MYO16: variants seen among roughly 807,000 people sequenced by gnomAD.
MYO16 encodes the protein unconventional myosin-XVI.
A neutral mutation model predicts 205.3 loss-of-function variants in MYO16; 94 were observed. That is an observed-to-expected ratio of 0.46 (90% CI 0.39 to 0.54). The LOEUF is 0.54. MYO16 is among the 20% of genes least tolerant of loss of function. MYO16 has a pLI of 0.00. For synonymous variants in MYO16, 988 were observed against 954.0 expected, an observed-to-expected ratio of 1.04 and a Z score of -0.66; for missense variants, 2,315 against 2,387.5, an observed-to-expected ratio of 0.97 and a Z score of 0.63.
At chr13:108,725,951 T>C (rs1380695643) in intron 3 of MYO16, among the ~76,000 whole-genome samples, 2 of 152,054 alleles carry the variant, frequency 1.3e-5, no homozygotes, top group African/African-American at 4.8e-5. Flanking sequence ...GTCATATATT[T>C]TGTTTTTCTT....
intron 27 of MYO16, among the ~76,000 whole-genome samples, chr13:109,077,867 TC>T (rs1888158647): frequency 6.6e-6 from 1 of 152,142 alleles, no homozygotes; most frequent in African/African-American, 2.4e-5. Context: ...TTTTTTCTAT[TC>T]TTTTTTCTAT....
chr13:109,075,657 A>G (rs1888074768), intron 27 of MYO16, among the ~76,000 whole-genome samples: 1 of 152,178 alleles, frequency 6.6e-6, no homozygotes, highest in Non-Finnish European at 1.5e-5. Context: ...TACAGGCATG[A>G]GCCACCGCAC....
chr13:108,694,247 G>T (rs1308318677), intron 2 of MYO16, among the ~76,000 whole-genome samples: 1 of 152,176 alleles, frequency 6.6e-6, no homozygotes, highest in Non-Finnish European at 1.5e-5. Flanking sequence ...AGTGGTGTGA[G>T]ATGGCATCTC....
At chr13:108,890,977 A>G (rs1044360669) in intron 14 of MYO16, among the ~76,000 whole-genome samples, 3 of 152,124 alleles carry the variant, frequency 2.0e-5, no homozygotes, top group South Asian at 2.1e-4. Context: ...ACAAGCATCT[A>G]TTAACAAAGG....
intron 4 of MYO16, among the ~76,000 whole-genome samples, chr13:108,751,217 G>C (rs1228476921): frequency 6.6e-6 from 1 of 151,802 alleles, no homozygotes; most frequent in South Asian, 2.1e-4. Flanking sequence ...ACAAAAACAG[G>C]GATTTTTGGA....
the MYO16 span, among the ~76,000 whole-genome samples, chr13:108,553,467 A>T: frequency 6.6e-6 from 1 of 152,164 alleles, no homozygotes; most frequent in Non-Finnish European, 1.5e-5. Context: ...TCTGGATGAG[A>T]AGCCCCAGAG....
intron 4 of MYO16, among the ~76,000 whole-genome samples, chr13:108,766,295 C>T (rs926659803): frequency 2.0e-5 from 3 of 152,152 alleles, no homozygotes; most frequent in Non-Finnish European, 2.9e-5. Flanking sequence ...GACTCAAGTA[C>T]GATAGAGATA....
intron 4 of MYO16, among the ~76,000 whole-genome samples, chr13:108,741,976 T>TTA (rs1884923908): frequency 1.3e-5 from 2 of 152,196 alleles, no homozygotes; most frequent in African/African-American, 4.8e-5. Flanking sequence ...AGCAATAAAC[T>TTA]TATAATCCTT....
intron 4 of MYO16, among the ~76,000 whole-genome samples, chr13:108,735,277 A>ACCGGC (rs1353517281): frequency 1.5e-5 from 2 of 131,944 alleles, no homozygotes; most frequent in African/African-American, 5.8e-5. Flanking sequence ...CCACCCCACA[A>ACCGGC]CCGGCCCTGG....
At chr13:108,638,873 A>G (rs1476923278) in intron 1 of MYO16, among the ~76,000 whole-genome samples, 1 of 152,172 alleles carries the variant, frequency 6.6e-6, no homozygotes, top group Non-Finnish European at 1.5e-5. Context: ...AGCTGGGGCA[A>G]GCTCATCAGA....
the MYO16 span, among the ~76,000 whole-genome samples, chr13:108,522,401 C>A: frequency 1.5e-3 from 235 of 152,254 alleles, 5 homozygotes; most frequent in South Asian, 0.047. Context: ...AGCGAAGAGT[C>A]CAGTTCTTGA....
chr13:109,007,477 A>G (rs914722478), intron 21 of MYO16, among the ~76,000 whole-genome samples: 1 of 151,702 alleles, frequency 6.6e-6, no homozygotes, highest in African/African-American at 2.4e-5. Context: ...CAAAAGTTTT[A>G]TTAGAGTGGT....
intron 1 of MYO16, among the ~76,000 whole-genome samples, chr13:108,599,139 A>G (rs1371692166): frequency 2.0e-5 from 3 of 150,632 alleles, no homozygotes; most frequent in African/African-American, 7.3e-5. Flanking sequence ...ATGATTTCCA[A>G]TTTCATCCAT....
At chr13:109,077,698 T>A (rs902037564) in intron 27 of MYO16, among the ~76,000 whole-genome samples, 2 of 152,246 alleles carry the variant, frequency 1.3e-5, no homozygotes, top group Admixed American at 6.5e-5. Context: ...GTACACAGTA[T>A]GTCTTTATTT....
At chr13:108,767,019 G>A (rs1476341723) in intron 4 of MYO16, among the ~76,000 whole-genome samples, 3 of 152,170 alleles carry the variant, frequency 2.0e-5, no homozygotes, top group Non-Finnish European at 4.4e-5. Context: ...ATGTCTTTCA[G>A]AGGTACCTGC....
intron 33 of MYO16, among the ~76,000 whole-genome samples, chr13:109,174,728 C>G (rs183054689): frequency 6.8e-6 from 1 of 147,476 alleles, no homozygotes; most frequent in Admixed American, 6.8e-5. Context: ...TTGAAAGTCT[C>G]TTTCTCATTC....
intron 7 of MYO16, 119 bp from the exon 8 acceptor site, chr13:108,820,218 G>A: frequency 1.5e-6 from 1 of 655,252 alleles, no homozygotes; most frequent in African/African-American, 1.8e-5. Flanking sequence ...GGACTTCTGA[G>A]TGGGAATGCT....
At chr13:109,172,828 G>A (rs1370618159) in intron 33 of MYO16, among the ~76,000 whole-genome samples, 3 of 16,028 alleles carry the variant, frequency 1.9e-4, no homozygotes, top group Non-Finnish European at 4.9e-4. Flanking sequence ...TTACATGAAT[G>A]AGGTAGATGG....
At chr13:108,562,736 G>A in the MYO16 span, among the ~76,000 whole-genome samples, 1 of 152,106 alleles carries the variant, frequency 6.6e-6, no homozygotes, top group South Asian at 2.1e-4. Flanking sequence ...ACTTTTCATT[G>A]TGTTACAGTT....
Sources: allele counts gnomAD v4.1 joint callset (sites outside exome capture counted in the v4.1 genomes callset), GRCh38; gene constraint gnomAD v4.1.1; transcripts MANE v1.5; gene names NCBI Gene and HGNC (gene_info 2026-07-23, HGNC 2026-07-21).